Variants in RXRA observed in about 807,000 individuals in gnomAD.
RXRA encodes retinoic acid receptor RXR-alpha.
RXRA carries 5 observed loss-of-function variants against 44.5 expected under a neutral mutation model. That is an observed-to-expected ratio of 0.11 (90% CI 0.06 to 0.24). RXRA has a LOEUF of 0.24. RXRA is among the 10% of genes least tolerant of loss of function. The pLI is 1.00. For synonymous variants in RXRA, 291 were observed against 271.4 expected, an observed-to-expected ratio of 1.07 and a Z score of -0.71; for missense variants, 412 against 646.5, an observed-to-expected ratio of 0.64 and a Z score of 3.93.
chr9:134,347,112 G>A (rs782269973), intron 1 of RXRA, among the ~76,000 whole-genome samples: 42 of 151,626 alleles, frequency 2.8e-4, no homozygotes, highest in Non-Finnish European at 5.9e-5. Context: ...TCCCTGTGGA[G>A]GTGACGGGCA....
intron 1 of RXRA, among the ~76,000 whole-genome samples, chr9:134,382,132 GC>G (rs202169144): frequency 5.9e-4 from 89 of 152,050 alleles, no homozygotes; most frequent in African/African-American, 1.5e-3. Flanking sequence ...ATGTGGGGGG[GC>G]GCAGGGCAGT....
intron 1 of RXRA, chr9:134,380,298 G>A (rs547757414): frequency 1.3e-4 from 89 of 671,562 alleles, no homozygotes; most frequent in East Asian, 4.0e-4. Context: ...TGGCCTGCCC[G>A]TGGCTTGGCC....
chr9:134,353,297 G>A (rs144842554), intron 1 of RXRA, among the ~76,000 whole-genome samples: 161 of 152,292 alleles, frequency 1.1e-3, no homozygotes, highest in African/African-American at 3.5e-3. Context: ...TCCCTGGTGT[G>A]CAGAGGTGGG....
intron 1 of RXRA, among the ~76,000 whole-genome samples, chr9:134,369,828 C>T (rs1830468814): frequency 6.6e-6 from 1 of 152,134 alleles, no homozygotes; most frequent in Non-Finnish European, 1.5e-5. Context: ...GTCCCCTCCT[C>T]CTAGTTCAAG....
intron 1 of RXRA, among the ~76,000 whole-genome samples, chr9:134,339,515 C>CTGTG (rs140582836): frequency 2.9e-5 from 4 of 138,414 alleles, no homozygotes; most frequent in African/African-American, 1.1e-4. Context: ...GTGTGTGAGT[C>CTGTG]TGTGTGTGTG....
intron 6 of RXRA, chr9:134,425,933 G>C (rs1488011253): frequency 1.0e-6 from 1 of 985,278 alleles, no homozygotes; most frequent in Non-Finnish European, 1.2e-6. Context: ...AGACAGGAAC[G>C]TGGCTGAGCC....
chr9:134,390,098 C>T (rs905799817), intron 1 of RXRA, among the ~76,000 whole-genome samples: 6 of 152,190 alleles, frequency 3.9e-5, no homozygotes, highest in African/African-American at 1.4e-4. Context: ...CCGGAGCCTG[C>T]GCTTGCCTGC....
At chr9:134,380,687 G>T (rs922228806) in intron 1 of RXRA, among the ~76,000 whole-genome samples, 1 of 152,140 alleles carries the variant, frequency 6.6e-6, no homozygotes, top group Non-Finnish European at 1.5e-5. Context: ...GCTGTGGCTT[G>T]TCCCAGCTCC....
chr9:134,392,373 G>T (rs954383825), intron 1 of RXRA, among the ~76,000 whole-genome samples: 3 of 152,094 alleles, frequency 2.0e-5, no homozygotes, highest in African/African-American at 7.2e-5. Context: ...AGTGTCTCCG[G>T]CCTTGTGGCT....
chr9:134,399,960 G>A (rs1830934083), intron 1 of RXRA, among the ~76,000 whole-genome samples: 1 of 152,248 alleles, frequency 6.6e-6, no homozygotes, highest in Non-Finnish European at 1.5e-5. Context: ...GGACAAGAAT[G>A]GGCAAATGCT....
At chr9:134,327,884 C>G (rs1418005467) in intron 1 of RXRA, among the ~76,000 whole-genome samples, 1 of 152,184 alleles carries the variant, frequency 6.6e-6, no homozygotes, top group Non-Finnish European at 1.5e-5. Flanking sequence ...TACTCCCTGC[C>G]TCTGTCATGA....
Position 134,424,033 on chromosome 9 carries a change from T to C in RXRA, c.910+2228T>C, listed in dbSNP as rs1025764907. 4.1e-6 allele frequency: 4 copies of C among 985,306 alleles called. No homozygotes were observed. In the African/African-American group the frequency reaches 7.0e-5, roughly 17 times the overall value. The allele number at this position is 985,306 out of a possible 1,614,324, so 61.0% of individuals were successfully genotyped here. On this transcript the variant is annotated intron_variant, in intron 6 of 9. Transcript: ENST00000481739. ...CATGTTTGTGTGGTGCCTGGCCCTG[T>C]GGTCCCATGTTCTGGCAGCTTCTGG... is the stretch of plus-strand genomic sequence containing the variant.
chr9:134,421,677 C>T lies in RXRA; in HGVS notation c.782C>T (p.Pro261Leu), dbSNP rs2234960. 702 of 1,559,812 alleles carry T rather than the reference C, an allele frequency of 4.5e-4. 8 individuals carry two copies. In the South Asian group the frequency reaches 7.4e-3, roughly 16 times the overall value. ...EANMGLNPSS[P>L]NDPVTNICQA... ...CCTGCTCTTCTTCCTCCACTGCAGC[C>T]GAACGACCCTGTCACCAACATTTGC... Residue 261 changes from proline (P) to leucine (L), a missense_variant and splice_region_variant, in exon 6 of 10, where the codon CCG becomes CTG. Physicochemically the swap from Pro to Leu is moderately conservative, Grantham distance 98 (BLOSUM62 -3). This residue lies in a region of RXRA where 67 missense variants were observed against 78.7 expected (regional missense o/e 0.85). Coordinates refer to ENST00000481739, the MANE Select transcript of RXRA (RefSeq NM_002957.6).
chr9:134,393,060 G>A (rs988113325), intron 1 of RXRA, among the ~76,000 whole-genome samples: 2 of 151,640 alleles, frequency 1.3e-5, no homozygotes, highest in African/African-American at 4.8e-5. Context: ...TGGGAAACCC[G>A]GGAATCATGG....
intron 8 of RXRA, among the ~76,000 whole-genome samples, chr9:134,432,477 G>A (rs1285488762): frequency 6.6e-6 from 1 of 152,184 alleles, no homozygotes; most frequent in East Asian, 1.9e-4. Flanking sequence ...GTTGAGGAGA[G>A]CAGGGCTTGG....
At chr9:134,361,914 G>A (rs1284925618) in intron 1 of RXRA, among the ~76,000 whole-genome samples, 1 of 152,182 alleles carries the variant, frequency 6.6e-6, no homozygotes, top group Non-Finnish European at 1.5e-5. Flanking sequence ...GTGTGTTCAT[G>A]CCCTGGGGGG....
intron 6 of RXRA, chr9:134,422,939 C>G (rs575287153): frequency 2.0e-6 from 2 of 985,484 alleles, no homozygotes; most frequent in South Asian, 9.4e-5. Flanking sequence ...TCTTTCCATG[C>G]GGTAATGGTG....
intron 1 of RXRA, among the ~76,000 whole-genome samples, chr9:134,327,648 AC>A (rs1299786680): frequency 6.6e-6 from 1 of 152,032 alleles, no homozygotes; most frequent in Non-Finnish European, 1.5e-5. Context: ...CCTCCTGCCC[AC>A]CCTCCCTGCA....
intron 1 of RXRA, among the ~76,000 whole-genome samples, chr9:134,328,471 C>T (rs1554746284): frequency 6.6e-6 from 1 of 152,090 alleles, no homozygotes; most frequent in African/African-American, 2.4e-5. Flanking sequence ...CACTCCCCTG[C>T]CACAAGGAAG....
Sources: gnomAD v4.1 joint callset for allele counts (sites outside exome capture counted in the v4.1 genomes callset) on GRCh38, gnomAD v4.1.1 for gene constraint, gnomAD v4.1.1 regional missense constraint, MANE v1.5 for transcripts, NCBI Gene and HGNC (gene_info 2026-07-23, HGNC 2026-07-21) for gene names.